FGFR2: variants seen among roughly 807,000 people sequenced by gnomAD.
The protein encoded by FGFR2 is fibroblast growth factor receptor 2, also known as BEK fibroblast growth factor receptor.
A neutral mutation model predicts 95.9 loss-of-function variants in FGFR2; 19 were observed. The ratio of observed to expected loss-of-function variants is 0.20; its 90% CI spans 0.14 to 0.29. The LOEUF (loss-of-function observed/expected upper bound fraction) is 0.29, where lower values mean the gene tolerates loss of function less well. Ranked by LOEUF, FGFR2 falls within the 10% of genes least tolerant of loss-of-function variation. The pLI is 1.00. For synonymous variants in FGFR2, 392 were observed against 393.3 expected (o/e 1.00, Z 0.04); for missense variants, 707 against 1,056.9 (o/e 0.67, Z 4.59).
At position 121,564,569 on chromosome 10, in the gene FGFR2, T is replaced by G. The variant is rs749651751; in HGVS notation, c.387A>C (p.Ser129=). The G allele has an allele frequency of 1.9e-6, 3 of 1,613,788 alleles. No individual in the cohort carries two copies. Among genetic ancestry groups the G allele is most frequent in the Non-Finnish European group, 2.5e-6 (3 of 1,179,846 alleles). Residue 129 remains serine, a synonymous_variant, in exon 4 of 18, where the codon TCA becomes TCC. Coordinates refer to ENST00000358487, the MANE Select transcript of FGFR2 (RefSeq NM_000141.5). ...YFMVNVTDAI[S]SGDDEDDTDG... ...CGGTGTCATCCTCATCATCTCCGGA[T>G]GAGATGGCATCTGTATGCAAAAGAA...
chr10:121,564,945 G>C (rs1857458898), intron 3 of FGFR2, among the ~76,000 whole-genome samples: 1 of 152,082 alleles, frequency 6.6e-6, no homozygotes, highest in Non-Finnish European at 1.5e-5. Flanking sequence ...GGGTCTCCTT[G>C]AAGAAAGAAA....
intron 6 of FGFR2, among the ~76,000 whole-genome samples, chr10:121,524,660 C>T (rs925626057): frequency 1.3e-4 from 20 of 152,220 alleles, no homozygotes; most frequent in Non-Finnish European, 1.9e-4. Context: ...ATGACAGCGC[C>T]TGGACTCCTT....
In FGFR2 at chr10:121,596,897, T is replaced by C. The variant is rs551688535; in HGVS notation, c.-151+1065A>G. On this transcript the variant is annotated intron_variant, in intron 1 of 17. Coordinates refer to ENST00000358487, the MANE Select transcript of FGFR2 (RefSeq NM_000141.5). Reference sequence around the variant, plus strand: ...AGAGAGGGGCGCCTGATTGCTTTTCTATTCAAACTAAACAGGCTTTTCAGA... The same window carrying C: ...AGAGAGGGGCGCCTGATTGCTTTTCCATTCAAACTAAACAGGCTTTTCAGA... 2.0e-3 allele frequency among the ~76,000 whole-genome samples: 304 copies of C among 152,168 alleles called. 1 individual carries two copies. The highest frequency in any genetic ancestry group is 7.0e-3 in the African/African-American group (290 of 41,542).
chr10:121,538,209 A>G (rs1049662570), intron 6 of FGFR2: 50 of 626,244 alleles, frequency 8.0e-5, no homozygotes, highest in Non-Finnish European at 4.6e-5. Flanking sequence ...GGCCTTCTAC[A>G]GTTGCCCTGT....
intron 9 of FGFR2, among the ~76,000 whole-genome samples, chr10:121,505,376 G>A (rs543942911): frequency 6.6e-6 from 1 of 152,208 alleles, no homozygotes; most frequent in Non-Finnish European, 1.5e-5. Flanking sequence ...AAACGTACAT[G>A]AGCACTTCCT....
intron 1 of FGFR2, among the ~76,000 whole-genome samples, chr10:121,597,044 G>A (rs922539165): frequency 6.6e-6 from 1 of 152,162 alleles, no homozygotes; most frequent in African/African-American, 2.4e-5. Context: ...TTTGAAAGCA[G>A]GTTTGCCTTT....
chr10:121,572,274 C>T (rs1448916861), intron 2 of FGFR2, among the ~76,000 whole-genome samples: 2 of 151,936 alleles, frequency 1.3e-5, no homozygotes, highest in African/African-American at 4.8e-5. Context: ...GCTATGATCG[C>T]GCCACTGCAT....
intron 13 of FGFR2, among the ~76,000 whole-genome samples, chr10:121,491,669 G>A (rs1846146234): frequency 6.6e-6 from 1 of 151,714 alleles, no homozygotes; most frequent in Non-Finnish European, 1.5e-5. Context: ...AGGAGATGGA[G>A]ACCACCCTGG....
At chr10:121,564,155 A>G (rs1210638711) in intron 4 of FGFR2, among the ~76,000 whole-genome samples, 1 of 152,198 alleles carries the variant, frequency 6.6e-6, no homozygotes, top group Admixed American at 6.5e-5. Context: ...ACCAAGCACA[A>G]TCACTGATTA....
intron 9 of FGFR2, among the ~76,000 whole-genome samples, chr10:121,507,197 A>G (rs1274060616): frequency 1.3e-5 from 2 of 152,180 alleles, no homozygotes; most frequent in Admixed American, 1.3e-4. Flanking sequence ...GTGCGGTCAG[A>G]TTGTCAGGGT....
At chr10:121,527,047 G>A in intron 6 of FGFR2, 1 of 322,936 alleles carries the variant, frequency 3.1e-6, no homozygotes, top group Non-Finnish European at 5.6e-6. Flanking sequence ...CCTGTGAAAT[G>A]CTAGAAGCAA....
intron 2 of FGFR2, among the ~76,000 whole-genome samples, chr10:121,584,049 T>A (rs915923694): frequency 4.6e-5 from 7 of 151,956 alleles, no homozygotes; most frequent in African/African-American, 1.7e-4. Context: ...ATCATCATCA[T>A]CTCAAGGAAT....
chr10:121,480,130 G>T (rs923505797), intron 17 of FGFR2, 109 bp from the exon 18 acceptor site: 2 of 1,172,824 alleles, frequency 1.7e-6, no homozygotes, highest in Non-Finnish European at 2.6e-6. Context: ...GAAGGGAAGA[G>T]AAGAGTTTTA....
At chr10:121,537,380 TTTTG>T (rs1853007207) in intron 6 of FGFR2, among the ~76,000 whole-genome samples, 1 of 152,226 alleles carries the variant, frequency 6.6e-6, no homozygotes, top group African/African-American at 2.4e-5. Flanking sequence ...ATCAAAATAG[TTTTG>T]TTTACTTTTC....
Position 121,517,952 on chromosome 10 carries a change from GGT to G in FGFR2, c.940-491_940-490del, listed in dbSNP as rs1849914193. 3 of 390,178 alleles carry G rather than the reference GGT, an allele frequency of 7.7e-6. No individual in the cohort carries two copies. Among genetic ancestry groups the G allele is most frequent in the Non-Finnish European group, 1.5e-5 (3 of 202,076 alleles). The allele number at this position is 390,178 out of a possible 1,614,324, so 24.2% of individuals were successfully genotyped here. ...CCTGTGGGAACCAATTGGGGTGGAA[GGT>G]TGTCTTGGTTACCAGGCTCTGGTTA... On this transcript the variant is annotated intron_variant, in intron 7 of 17. Coordinates refer to ENST00000358487, the MANE Select transcript of FGFR2 (RefSeq NM_000141.5). This position sits in a 1 kb window ranked among gnomAD's most constrained non-coding sequence, Gnocchi z 4.7.
intron 6 of FGFR2, among the ~76,000 whole-genome samples, chr10:121,529,405 C>G (rs541024811): frequency 6.6e-6 from 1 of 152,126 alleles, no homozygotes; most frequent in African/African-American, 2.4e-5. Flanking sequence ...CCAGCACACC[C>G]GGCCAAAATG....
intron 10 of FGFR2, among the ~76,000 whole-genome samples, chr10:121,501,382 T>C (rs111255906): frequency 1.1e-3 from 165 of 152,350 alleles, no homozygotes; most frequent in African/African-American, 3.7e-3. Context: ...GATTTTATGG[T>C]CACATTCCTT....
At chr10:121,546,126 A>C (rs921580868) in intron 5 of FGFR2, among the ~76,000 whole-genome samples, 9 of 151,816 alleles carry the variant, frequency 5.9e-5, no homozygotes, top group African/African-American at 2.2e-4. Flanking sequence ...TTCTGCATTA[A>C]ATTGCAATAA....
intron 13 of FGFR2, among the ~76,000 whole-genome samples, chr10:121,492,147 G>C (rs554506549): frequency 1.3e-5 from 2 of 152,296 alleles, no homozygotes; most frequent in East Asian, 3.9e-4. Flanking sequence ...CTGCACTCCA[G>C]CCAGGTGACA....
Sources: allele counts gnomAD v4.1 joint callset (sites outside exome capture counted in the v4.1 genomes callset), GRCh38; gene constraint gnomAD v4.1.1; non-coding constraint Gnocchi (gnomAD v3.1); transcripts MANE v1.5; gene names NCBI Gene and HGNC (gene_info 2026-07-23, HGNC 2026-07-21).